The following GRM7 variants were observed in gnomAD, a reference collection of about 807,000 sequenced individuals.
The protein encoded by GRM7 is metabotropic glutamate receptor 7.
Under a neutral mutation model 84.5 loss-of-function variants are expected in GRM7, and 35 were observed. The observed-to-expected ratio is 0.41, with a 90% confidence interval of 0.32 to 0.55. The LOEUF (loss-of-function observed/expected upper bound fraction) is 0.55. Ranked by LOEUF, GRM7 falls within the 20% of genes least tolerant of loss-of-function variation. The pLI is 0.19. For missense variants in GRM7, 1,003 were observed against 1,194.6 expected (o/e 0.84, Z 2.36); for synonymous variants, 487 against 455.1 (o/e 1.07, Z -0.89).
chr3:7,521,336 T>C (rs988714192), intron 7 of GRM7, among the ~76,000 whole-genome samples: 1 of 152,180 alleles, frequency 6.6e-6, no homozygotes, highest in Non-Finnish European at 1.5e-5. Flanking sequence ...AATTCACATG[T>C]GGAAATCCTA....
chr3:7,145,357 CAAAG>C (rs1278899407), intron 1 of GRM7, among the ~76,000 whole-genome samples: 1 of 152,030 alleles, frequency 6.6e-6, no homozygotes, highest in African/African-American at 2.4e-5. Flanking sequence ...AGAATCAAGA[CAAAG>C]AAGGGAACAA....
At chr3:7,527,149 A>T (rs1182245642) in intron 7 of GRM7, among the ~76,000 whole-genome samples, 5 of 152,130 alleles carry the variant, frequency 3.3e-5, no homozygotes, top group Admixed American at 6.6e-5. Flanking sequence ...CCATTCTTCC[A>T]ATCCATAAAA....
chr3:7,605,993 G>A (rs772805098), intron 8 of GRM7, among the ~76,000 whole-genome samples: 1 of 152,164 alleles, frequency 6.6e-6, no homozygotes, highest in African/African-American at 2.4e-5. Flanking sequence ...GTTGACCGAT[G>A]TCTGAGGTAT....
At chr3:7,714,028 C>G (rs1400907337) in intron 9 of GRM7, among the ~76,000 whole-genome samples, 1 of 152,026 alleles carries the variant, frequency 6.6e-6, no homozygotes, top group East Asian at 1.9e-4. Context: ...CAAAACCAAT[C>G]TCAGCTAAGC....
intron 7 of GRM7, chr3:7,561,514 G>T (rs1391455530): frequency 2.2e-6 from 1 of 456,408 alleles, no homozygotes; most frequent in East Asian, 7.0e-5. Context: ...GACCATTTGT[G>T]CCTGCTACAG....
chr3:7,497,356 C>T (rs1317396199), intron 7 of GRM7, among the ~76,000 whole-genome samples: 2 of 152,096 alleles, frequency 1.3e-5, no homozygotes, highest in Non-Finnish European at 2.9e-5. Flanking sequence ...TTTTGGAAAC[C>T]ACATATACTT....
Position 6,861,583 on chromosome 3 carries a change from G to A in GRM7, c.195G>A (p.Val65=). ...FPVHAKGPSG[V]PCGDIKRENG... ...TGCACGCCAAGGGTCCCAGCGGAGTGCCCTGCGGCGACATCAAGAGGGAAA... is the reference window on the plus strand; with the variant it reads ...TGCACGCCAAGGGTCCCAGCGGAGTACCCTGCGGCGACATCAAGAGGGAAA... The change falls in exon 1 of 10, where the codon GTG becomes GTA. Residue 65 remains valine (V), a synonymous_variant. Coordinates refer to ENST00000357716, the MANE Select transcript of GRM7 (RefSeq NM_000844.4). This position sits in a 1 kb window ranked among gnomAD's most constrained non-coding sequence, Gnocchi z 6.4. The A allele has an allele frequency of 6.2e-7, 1 of 1,608,212 alleles. No homozygotes were observed. The highest frequency in any genetic ancestry group is 8.5e-7 in the Non-Finnish European group (1 of 1,176,920).
At chr3:7,498,882 C>A (rs1003810855) in intron 7 of GRM7, among the ~76,000 whole-genome samples, 2 of 152,196 alleles carry the variant, frequency 1.3e-5, no homozygotes, top group Admixed American at 6.5e-5. Flanking sequence ...TGGCTGCCTC[C>A]TTCCACTGGG....
chr3:7,302,495 C>G (rs376039201), intron 3 of GRM7, among the ~76,000 whole-genome samples: 42 of 151,840 alleles, frequency 2.8e-4, no homozygotes, highest in African/African-American at 9.4e-4. Context: ...TTGGCTTATC[C>G]CTACCTTTCT....
chr3:7,249,023 T>C (rs554283399), intron 2 of GRM7, among the ~76,000 whole-genome samples: 123 of 152,306 alleles, frequency 8.1e-4, no homozygotes, highest in Non-Finnish European at 1.1e-3. Flanking sequence ...TGGATATAGA[T>C]ATTTACATTA....
At chr3:6,989,454 A>G (rs1559370168) in intron 1 of GRM7, among the ~76,000 whole-genome samples, 1 of 152,208 alleles carries the variant, frequency 6.6e-6, no homozygotes, top group Non-Finnish European at 1.5e-5. Flanking sequence ...TGTATTCTGT[A>G]TTTTTAACTT....
At chr3:6,953,299 A>G (rs1465217818) in intron 1 of GRM7, among the ~76,000 whole-genome samples, 4 of 152,156 alleles carry the variant, frequency 2.6e-5, no homozygotes, top group Non-Finnish European at 5.9e-5. Context: ...AAACCCAGAT[A>G]TGATACTCAT....
intron 1 of GRM7, among the ~76,000 whole-genome samples, chr3:6,983,870 G>A (rs1441818665): frequency 2.0e-5 from 3 of 151,558 alleles, no homozygotes; most frequent in Non-Finnish European, 2.9e-5. Context: ...ATATCTAACA[G>A]TATCTTTACA....
At chr3:7,426,416 A>G (rs1445775211) in intron 5 of GRM7, among the ~76,000 whole-genome samples, 2 of 152,050 alleles carry the variant, frequency 1.3e-5, no homozygotes, top group African/African-American at 2.4e-5. Context: ...CTGATGTTCT[A>G]GTTCTCTAGA....
intron 2 of GRM7, among the ~76,000 whole-genome samples, chr3:7,255,466 C>A (rs1698160443): frequency 6.6e-6 from 1 of 152,196 alleles, no homozygotes; most frequent in Non-Finnish European, 1.5e-5. Flanking sequence ...CTTTGACAAT[C>A]CAAACACGAC....
intron 2 of GRM7, among the ~76,000 whole-genome samples, chr3:7,279,668 A>C (rs906289043): frequency 5.9e-5 from 9 of 152,174 alleles, no homozygotes; most frequent in Admixed American, 4.6e-4. Context: ...GTGAGGAGCT[A>C]CCTGAGACCT....
In GRM7 at chr3:7,445,275, T is replaced by C. The variant is rs150157657; in HGVS notation, c.1175-7332T>C. On this transcript the variant is annotated intron_variant, in intron 5 of 9. Transcript: ENST00000357716. ...AAAGAATTAAAGGAGGACAAGACTGTCCCTTTTCCCTGTGTGGATAGGGAA... is the reference window on the plus strand; with the variant it reads ...AAAGAATTAAAGGAGGACAAGACTGCCCCTTTTCCCTGTGTGGATAGGGAA... Among the ~76,000 whole-genome samples the C allele has an allele frequency of 3.2e-3, 494 of 152,312 alleles. 6 individuals carry two copies. Among genetic ancestry groups the C allele is most frequent in the South Asian group, 0.022 (108 of 4,822 alleles).
intron 5 of GRM7, among the ~76,000 whole-genome samples, chr3:7,444,263 G>A (rs1391377665): frequency 6.6e-6 from 1 of 152,148 alleles, no homozygotes; most frequent in Non-Finnish European, 1.5e-5. Flanking sequence ...GAGCTAAGAG[G>A]ACAGGCATCT....
intron 1 of GRM7, among the ~76,000 whole-genome samples, chr3:7,059,916 T>C (rs933550838): frequency 2.6e-4 from 40 of 151,934 alleles, no homozygotes; most frequent in African/African-American, 9.6e-4. Context: ...ATTTCTGTTG[T>C]TTATAAGCTA....
Sources: allele counts gnomAD v4.1 joint callset (sites outside exome capture counted in the v4.1 genomes callset), GRCh38; gene constraint gnomAD v4.1.1; non-coding constraint Gnocchi (gnomAD v3.1); transcripts MANE v1.5; gene names NCBI Gene and HGNC (gene_info 2026-07-23, HGNC 2026-07-21).